The following NBDY variants were observed in gnomAD, a reference collection of about 807,000 sequenced individuals.
NBDY encodes P-body dissociating protein.
At chrX:56,812,592 T>G (rs762299782) in intron 2 of NBDY, among the ~76,000 whole-genome samples, 8 of 111,094 alleles carry the variant, frequency 7.2e-5, no homozygotes, top group Non-Finnish European at 1.3e-4. Context: ...CAAGGCTACT[T>G]GTGGATCAGA....
chrX:56,816,218 AAATATATGGCCAAT>A (rs1224299902), intron 2 of NBDY, among the ~76,000 whole-genome samples: 1 of 111,121 alleles, frequency 9.0e-6, no homozygotes, highest in African/African-American at 3.2e-5. Context: ...TAGGAGACAA[AAATATATGGCCAAT>A]AATAATAATA....
chrX:56,746,598 T>G (rs763408319), intron 2 of NBDY, among the ~76,000 whole-genome samples: 11 of 110,742 alleles, frequency 9.9e-5, no homozygotes, highest in Non-Finnish European at 2.1e-4. Flanking sequence ...CTAGAGGCTC[T>G]GGGGGGATAT....
At chrX:56,736,613 T>C (rs1239001439) in intron 2 of NBDY, among the ~76,000 whole-genome samples, 1 of 112,845 alleles carries the variant, frequency 8.9e-6, no homozygotes, top group Admixed American at 9.3e-5. Context: ...ATCTTAAAAC[T>C]TTTAACTGAT....
intron 2 of NBDY, among the ~76,000 whole-genome samples, chrX:56,807,778 T>C (rs1276808463): frequency 8.9e-6 from 1 of 112,089 alleles, no homozygotes; most frequent in Non-Finnish European, 1.9e-5. Context: ...CAATTTGACT[T>C]CCTCTTTTTC....
At chrX:56,744,343 A>G (rs922251691) in intron 2 of NBDY, among the ~76,000 whole-genome samples, 2 of 111,719 alleles carry the variant, frequency 1.8e-5, no homozygotes, top group Non-Finnish European at 3.8e-5. Context: ...TGTTAGGTCC[A>G]TTTGGTCTAC....
chrX:56,800,844 C>G (rs1569291880), intron 2 of NBDY, among the ~76,000 whole-genome samples: 1 of 111,034 alleles, frequency 9.0e-6, no homozygotes, highest in Non-Finnish European at 1.9e-5. Context: ...GGGCTGAACC[C>G]TGGGGGTGTA....
chrX:56,781,664 G>C (rs1187691261), intron 2 of NBDY, among the ~76,000 whole-genome samples: 1 of 111,580 alleles, frequency 9.0e-6, no homozygotes, highest in Non-Finnish European at 1.9e-5. Context: ...GTCCGCTTCT[G>C]TTTATGGAGG....
At chrX:56,734,141 A>G (rs1477858336) in intron 2 of NBDY, among the ~76,000 whole-genome samples, 2 of 112,389 alleles carry the variant, frequency 1.8e-5, no homozygotes, top group Non-Finnish European at 3.8e-5. Context: ...TGAAAATTCC[A>G]TCACTAACAT....
chrX:56,767,510 A>G (rs1408058445), intron 2 of NBDY, among the ~76,000 whole-genome samples: 4 of 112,678 alleles, frequency 3.5e-5, no homozygotes, highest in East Asian at 2.8e-4. Flanking sequence ...GCGGGCGGTA[A>G]CACGAGCTAC....
In NBDY at chrX:56,818,800, A is replaced by G. The variant is rs1024197664; in HGVS notation, c.*1647A>G. On this transcript the variant is annotated 3_prime_UTR_variant, in exon 3 of 3. Coordinates refer to ENST00000374922, the MANE Select transcript of NBDY (RefSeq NM_001348129.2). ...TTTTAAAACTTATTACAAAGCTACA[A>G]TAAACAAGTCTATGTGGTACTGGCA... 4 of 111,639 alleles carry G rather than the reference A, an allele frequency of 3.6e-5. No individual in the cohort carries two copies. Among genetic ancestry groups the G allele is most frequent in the African/African-American group, 1.3e-4 (4 of 30,789 alleles). 9.2% of individuals were successfully genotyped at this position (111,639 alleles called of 1,213,427 possible). A position where few individuals can be genotyped will look rare whatever the true frequency, so the allele number is the denominator to read the frequency against.
intron 2 of NBDY, among the ~76,000 whole-genome samples, chrX:56,739,236 G>GTATATATATATATATATATATATATA (rs67727538): frequency 3.4e-5 from 2 of 58,058 alleles, no homozygotes; most frequent in African/African-American, 1.4e-4. Context: ...GTGTTTGTGT[G>GTATATATATATATATATATATATATA]TGTATATATA....
At chrX:56,804,718 T>G (rs1188184009) in intron 2 of NBDY, among the ~76,000 whole-genome samples, 3 of 111,897 alleles carry the variant, frequency 2.7e-5, no homozygotes, top group Middle Eastern at 4.6e-3. Context: ...GTCAGATTAT[T>G]CAGCCTGGAA....
chrX:56,735,609 T>C (rs1275856052), intron 2 of NBDY, among the ~76,000 whole-genome samples: 1 of 112,037 alleles, frequency 8.9e-6, no homozygotes, highest in Non-Finnish European at 1.9e-5. Flanking sequence ...ACCTTGACAG[T>C]GCTCTTTGAG....
intron 2 of NBDY, among the ~76,000 whole-genome samples, chrX:56,785,413 A>G (rs2069721834): frequency 9.0e-6 from 1 of 110,928 alleles, no homozygotes; most frequent in Admixed American, 9.5e-5. Flanking sequence ...CTGTGCTTCC[A>G]TAGTTCCTCA....
Position 56,732,166 on chromosome X carries a change from T to C in NBDY, c.*133T>C. On this transcript the variant is annotated 3_prime_UTR_variant, in exon 2 of 3. Coordinates refer to ENST00000374922, the MANE Select transcript of NBDY (RefSeq NM_001348129.2). ...ATTTACAATGCTACCCTGCTTTTTC[T>C]GGTGTCCTGAACCTGGAAGTTGTGC... 3.4e-6 allele frequency: 1 copy of C among 297,162 alleles called. No homozygotes were observed. The highest frequency in any genetic ancestry group is 5.9e-6 in the Non-Finnish European group (1 of 170,036). 24.5% of individuals were successfully genotyped at this position (297,162 alleles called of 1,213,427 possible).
chrX:56,764,613 T>C (rs770521638), intron 2 of NBDY, among the ~76,000 whole-genome samples: 3 of 107,267 alleles, frequency 2.8e-5, no homozygotes, highest in Non-Finnish European at 3.8e-5. Context: ...TAGATGGCAA[T>C]GTGGCTCCAC....
chrX:56,743,673 T>C (rs2069542970), intron 2 of NBDY, among the ~76,000 whole-genome samples: 1 of 111,181 alleles, frequency 9.0e-6, no homozygotes, highest in African/African-American at 3.3e-5. Flanking sequence ...TCCCTCTTTT[T>C]TTCTTAGTCT....
At chrX:56,794,085 G>T (rs761138382) in intron 2 of NBDY, among the ~76,000 whole-genome samples, 3 of 112,393 alleles carry the variant, frequency 2.7e-5, no homozygotes, top group African/African-American at 6.5e-5. Flanking sequence ...TGACTGGTCT[G>T]CAGGCTGCAT....
intron 2 of NBDY, among the ~76,000 whole-genome samples, chrX:56,758,969 C>T (rs1484054584): frequency 1.8e-5 from 2 of 112,063 alleles, no homozygotes; most frequent in Non-Finnish European, 3.8e-5. Context: ...GCCATGACCC[C>T]GTTGCTCTAA....
Sources: allele counts gnomAD v4.1 joint callset (sites outside exome capture counted in the v4.1 genomes callset), GRCh38; gene constraint gnomAD v4.1.1; transcripts MANE v1.5; gene names NCBI Gene and HGNC (gene_info 2026-07-23, HGNC 2026-07-21).